Variants in IKZF2 observed in about 807,000 individuals in gnomAD.
IKZF2 encodes zinc finger protein Helios.
In IKZF2, 15 loss-of-function variants were observed where a neutral mutation model predicts 49.2. The observed-to-expected ratio is 0.30, with a 90% CI of 0.20 to 0.47. The LOEUF (loss-of-function observed/expected upper bound fraction) is 0.47. Ranked by LOEUF, IKZF2 falls within the 20% of genes least tolerant of loss-of-function variation. The probability of loss-of-function intolerance (pLI) is 1.00; values close to 1 mark genes in which losing one functional copy is unlikely to be tolerated. For synonymous variants in IKZF2, 227 were observed against 221.4 expected (o/e 1.03, Z -0.23); for missense variants, 567 against 664.6 (o/e 0.85, Z 1.61).
At chr2:213,108,015 C>A (rs1335375945) in intron 4 of IKZF2, among the ~76,000 whole-genome samples, 1 of 152,098 alleles carries the variant, frequency 6.6e-6, no homozygotes, top group Non-Finnish European at 1.5e-5. Flanking sequence ...CCGTGAAACC[C>A]TACTGAGTTG....
intron 6 of IKZF2, among the ~76,000 whole-genome samples, chr2:213,043,379 A>C (rs1358371472): frequency 6.6e-6 from 1 of 152,236 alleles, no homozygotes; most frequent in African/African-American, 2.4e-5. Flanking sequence ...TCTACAATAT[A>C]GGAAGCAGAA....
intron 8 of IKZF2, among the ~76,000 whole-genome samples, chr2:213,008,938 A>G (rs1169546479): frequency 2.0e-5 from 3 of 152,154 alleles, no homozygotes; most frequent in Non-Finnish European, 4.4e-5. Context: ...AAATACTTTT[A>G]AAAGTAGTAC....
chr2:213,011,917 A>T (rs1696004223), intron 8 of IKZF2, among the ~76,000 whole-genome samples: 1 of 152,064 alleles, frequency 6.6e-6, no homozygotes, highest in Non-Finnish European at 1.5e-5. Context: ...CAACAAGGCA[A>T]GAAAGGCAAG....
intron 4 of IKZF2, among the ~76,000 whole-genome samples, chr2:213,136,573 T>C (rs532164459): frequency 2.0e-5 from 3 of 152,216 alleles, no homozygotes; most frequent in South Asian, 4.1e-4. Flanking sequence ...TATAATTTTA[T>C]TGAAATTTCA....
rs1695310328 is a variant in IKZF2 at position 213,005,984 on chromosome 2, C to T, written c.*1376G>A. 6.6e-6 allele frequency: 1 copy of T among 152,078 alleles called. No homozygotes were observed. Among genetic ancestry groups the T allele is most frequent in the Non-Finnish European group, 1.5e-5 (1 of 67,970 alleles). The allele number at this position is 152,078 out of a possible 1,614,324, so 9.4% of individuals were successfully genotyped here. A position where few individuals can be genotyped will look rare whatever the true frequency, so the allele number is the denominator to read the frequency against. On this transcript the variant is annotated 3_prime_UTR_variant, in exon 9 of 9. Transcript: ENST00000434687. ...TTTGGGGGTTCTGTCACATTCTAGA[C>T]TCCAAGAAGGGTAAAAGTAAACTTT...
At chr2:213,072,238 G>A (rs965206261) in intron 4 of IKZF2, among the ~76,000 whole-genome samples, 1 of 150,704 alleles carries the variant, frequency 6.6e-6, no homozygotes, top group Non-Finnish European at 1.5e-5. Flanking sequence ...GGAGTAACTC[G>A]GAAATTTCTG....
chr2:213,047,586 T>C (rs1700274835), intron 6 of IKZF2, among the ~76,000 whole-genome samples: 1 of 152,092 alleles, frequency 6.6e-6, no homozygotes, highest in African/African-American at 2.4e-5. Context: ...TTTCTCCAGG[T>C]TTCAGAGATC....
At position 213,007,750 on chromosome 2, in the gene IKZF2, C is replaced by T. The variant is rs145185075; in HGVS notation, c.1191G>A (p.Glu397=). The part of the protein sequence containing the change: ...IRPKSRPQER[E]ASPSNSCLDS... Reference sequence around the variant, plus strand: ...CCAGGCAGCTATTGCTGGGAGAGGCCTCTCTTTCCTGGGGTCGACTCTTTG... The same window carrying T: ...CCAGGCAGCTATTGCTGGGAGAGGCTTCTCTTTCCTGGGGTCGACTCTTTG... Residue 397 remains glutamate (E), a synonymous_variant, in exon 9 of 9, where the codon GAG becomes GAA. Transcript: ENST00000434687. 3.0e-4 allele frequency: 487 copies of T among 1,613,678 alleles called. No individual in the cohort carries two copies. Among genetic ancestry groups the T allele is most frequent in the Admixed American group, 4.0e-4 (24 of 59,952 alleles).
intron 4 of IKZF2, among the ~76,000 whole-genome samples, chr2:213,122,236 C>A (rs911775779): frequency 1.1e-4 from 16 of 152,208 alleles, no homozygotes; most frequent in African/African-American, 3.9e-4. Flanking sequence ...CGTTCTTCTA[C>A]CATCTTCTGA....
intron 1 of IKZF2, chr2:213,150,455 CCCT>C (rs3217488): frequency 0.018 from 3,250 of 185,494 alleles, 134 homozygotes; most frequent in East Asian, 0.1. Context: ...AAGAACACCC[CCCT>C]CCTCCTCCTC....
chr2:213,071,131 T>A (rs10203749), intron 4 of IKZF2, among the ~76,000 whole-genome samples: 67,087 of 151,952 alleles, frequency 0.44, 16,076 homozygotes, highest in African/African-American at 0.59. Flanking sequence ...ATACCCTCAT[T>A]ATGTATATCA....
intron 4 of IKZF2, among the ~76,000 whole-genome samples, chr2:213,097,477 A>T (rs184014622): frequency 6.6e-6 from 1 of 152,148 alleles, no homozygotes; most frequent in Non-Finnish European, 1.5e-5. Flanking sequence ...AAATCCTAAC[A>T]TTCACTCTTG....
intron 4 of IKZF2, among the ~76,000 whole-genome samples, chr2:213,092,156 G>A (rs1008322233): frequency 2.0e-5 from 3 of 151,946 alleles, no homozygotes; most frequent in Admixed American, 6.6e-5. Flanking sequence ...CTCCTGAGTC[G>A]CTGGAACCAC....
intron 4 of IKZF2, among the ~76,000 whole-genome samples, chr2:213,065,240 T>C (rs1702063474): frequency 6.6e-6 from 1 of 152,048 alleles, no homozygotes; most frequent in Non-Finnish European, 1.5e-5. Flanking sequence ...TTCATGAGTG[T>C]TTTCTGAGCA....
At chr2:213,089,772 A>T (rs944997828) in intron 4 of IKZF2, among the ~76,000 whole-genome samples, 16 of 152,172 alleles carry the variant, frequency 1.1e-4, no homozygotes, top group African/African-American at 3.4e-4. Context: ...GGTTAGTAAA[A>T]GGTAAGTATA....
chr2:213,112,199 C>A (rs879611264), intron 4 of IKZF2, among the ~76,000 whole-genome samples: 19 of 151,744 alleles, frequency 1.3e-4, no homozygotes, highest in African/African-American at 3.6e-4. Context: ...AGTATTTTAT[C>A]CTAACACTGT....
chr2:213,020,602 T>C (rs1403367703), intron 7 of IKZF2, among the ~76,000 whole-genome samples: 1 of 152,144 alleles, frequency 6.6e-6, no homozygotes, highest in Non-Finnish European at 1.5e-5. Flanking sequence ...GATGATAATA[T>C]AAAAATAAAT....
chr2:213,088,923 A>G (rs1386947094), intron 4 of IKZF2, among the ~76,000 whole-genome samples: 1 of 152,226 alleles, frequency 6.6e-6, no homozygotes, highest in Non-Finnish European at 1.5e-5. Flanking sequence ...ATCCCCACCT[A>G]TAAGTGAGGA....
chr2:213,124,991 A>G (rs59991947), intron 4 of IKZF2, among the ~76,000 whole-genome samples: 2,036 of 152,296 alleles, frequency 0.013, 36 homozygotes, highest in African/African-American at 0.046. Flanking sequence ...TAGATACACA[A>G]TCTTTTCCCC....
Sources: allele counts gnomAD v4.1 joint callset (sites outside exome capture counted in the v4.1 genomes callset), GRCh38; gene constraint gnomAD v4.1.1; transcripts MANE v1.5; gene names NCBI Gene and HGNC (gene_info 2026-07-23, HGNC 2026-07-21).